The following PLCB4 variants were observed in gnomAD, a reference collection of about 807,000 sequenced individuals.
PLCB4 encodes the protein phospholipase C beta 4.
In PLCB4, 77 loss-of-function variants were observed where a neutral mutation model predicts 178.8. That is an observed-to-expected ratio of 0.43 (90% CI 0.36 to 0.52). The LOEUF (loss-of-function observed/expected upper bound fraction) is 0.52, where lower values mean the gene tolerates loss of function less well. Among genes scored for constraint, PLCB4 ranks in the 20% least tolerant of loss-of-function variants. The pLI is 0.00. For synonymous variants in PLCB4, 496 were observed against 490.8 expected, an observed-to-expected ratio of 1.01 and a Z score of -0.14; for missense variants, 1,024 against 1,453.4, an observed-to-expected ratio of 0.70 and a Z score of 4.80.
intron 2 of PLCB4, among the ~76,000 whole-genome samples, chr20:9,111,607 A>G (rs2091576208): frequency 6.6e-6 from 1 of 152,160 alleles, no homozygotes. Context: ...AATTTTGGAC[A>G]ACTGCTGTTG....
intron 3 of PLCB4, among the ~76,000 whole-genome samples, chr20:9,276,905 C>T (rs950165155): frequency 5.3e-5 from 8 of 151,982 alleles, no homozygotes; most frequent in African/African-American, 1.9e-4. Context: ...ATCCTGCACT[C>T]CAGCCTGGGT....
At chr20:9,398,712 A>G (rs200307927) in intron 19 of PLCB4, among the ~76,000 whole-genome samples, 1 of 141,866 alleles carries the variant, frequency 7.0e-6, no homozygotes, top group African/African-American at 2.7e-5. Flanking sequence ...TATTATTATT[A>G]TTTTTGAGAT....
chr20:9,245,144 A>G lies in PLCB4; in HGVS notation c.-16+27692A>G, dbSNP rs553293155. Among the ~76,000 whole-genome samples, 7 of 152,268 alleles carry G rather than the reference A, an allele frequency of 4.6e-5. No individual in the cohort carries two copies. The East Asian group carries it at 1.2e-3, about 25-fold the overall frequency. ...GGAGGCAGGAGTTCAGGAGTTCAAG[A>G]GAGACAGAGAAAGAGACTGGAAGTA... On this transcript the variant is annotated intron_variant, in intron 3 of 39. Transcript: ENST00000378473.
chr20:9,175,297 A>C (rs895249623), intron 2 of PLCB4, among the ~76,000 whole-genome samples: 1 of 152,024 alleles, frequency 6.6e-6, no homozygotes, highest in African/African-American at 2.4e-5. Context: ...AGAAGGGTGA[A>C]CCCTTCTAGG....
At chr20:9,139,483 G>A (rs531746176) in intron 2 of PLCB4, among the ~76,000 whole-genome samples, 10 of 152,210 alleles carry the variant, frequency 6.6e-5, no homozygotes, top group African/African-American at 1.9e-4. Flanking sequence ...GTTCCATGTA[G>A]TTTCTTTCCA....
At chr20:9,351,588 G>C (rs2034350007) in intron 7 of PLCB4, among the ~76,000 whole-genome samples, 1 of 152,008 alleles carries the variant, frequency 6.6e-6, no homozygotes, top group South Asian at 2.1e-4. Flanking sequence ...GTTTTCTGCT[G>C]TGTGTGGGGA....
chr20:9,473,462 A>T (rs1232636115), intron 38 of PLCB4, 97 bp downstream of exon 38: 2 of 571,590 alleles, frequency 3.5e-6, no homozygotes, highest in Non-Finnish European at 6.2e-6. Flanking sequence ...GCATATTGTA[A>T]TTGAAAGGTA....
chr20:9,112,235 T>C (rs2091604725), intron 2 of PLCB4, among the ~76,000 whole-genome samples: 1 of 151,888 alleles, frequency 6.6e-6, no homozygotes, highest in Admixed American at 6.6e-5. Context: ...TTTGGAGACC[T>C]GTTGAAACAA....
At chr20:9,250,304 T>A (rs2147477765) in intron 3 of PLCB4, among the ~76,000 whole-genome samples, 1 of 152,356 alleles carries the variant, frequency 6.6e-6, no homozygotes, top group African/African-American at 2.4e-5. Context: ...AGCCTGCACC[T>A]GTCAGGTGGT....
chr20:9,460,983 T>C (rs1201018650), intron 35 of PLCB4, among the ~76,000 whole-genome samples: 1 of 152,216 alleles, frequency 6.6e-6, no homozygotes, highest in Admixed American at 6.5e-5. Context: ...TTTTCTTTTT[T>C]CCTTAGAAAT....
At chr20:9,375,407 A>G (rs1295815069) in intron 12 of PLCB4, among the ~76,000 whole-genome samples, 1 of 152,154 alleles carries the variant, frequency 6.6e-6, no homozygotes. Context: ...CCTTAGCCAC[A>G]TAGTCTCAAC....
rs540864497 is a variant in PLCB4 at position 9,080,474 on chromosome 20, A to G, written c.-135+11268A>G. Among the ~76,000 whole-genome samples, 328 of 152,252 alleles carry G rather than the reference A, an allele frequency of 2.2e-3. 1 individual carries two copies. Among genetic ancestry groups the G allele is most frequent in the African/African-American group, 7.7e-3 (318 of 41,546 alleles). ...GGAAAAATCATATCACCTCTCCATC[A>G]TGAAGGAATTGCACTAGATTAATTC... is the stretch of plus-strand genomic sequence containing the variant. On this transcript the variant is annotated intron_variant, in intron 1 of 39. Coordinates refer to ENST00000378473, the MANE Select transcript of PLCB4 (RefSeq NM_001377142.1).
At chr20:9,133,956 C>T (rs897737806) in intron 2 of PLCB4, among the ~76,000 whole-genome samples, 3 of 152,182 alleles carry the variant, frequency 2.0e-5, no homozygotes, top group Non-Finnish European at 4.4e-5. Context: ...GAAGACAAAG[C>T]TTTGTGCCTC....
intron 2 of PLCB4, among the ~76,000 whole-genome samples, chr20:9,151,734 G>A (rs201845752): frequency 6.6e-5 from 10 of 152,192 alleles, no homozygotes; most frequent in South Asian, 4.2e-4. Flanking sequence ...AGAGTGGGGC[G>A]TTGCTGAAAA....
chr20:9,083,571 G>A (rs1241744329), intron 1 of PLCB4, among the ~76,000 whole-genome samples: 1 of 152,142 alleles, frequency 6.6e-6, no homozygotes, highest in Non-Finnish European at 1.5e-5. Context: ...TTGTGCCCTG[G>A]GCCTTCAGAA....
intron 5 of PLCB4, 139 bp downstream of exon 5, chr20:9,337,345 G>C (rs1023558065): frequency 3.1e-6 from 2 of 652,960 alleles, no homozygotes; most frequent in Non-Finnish European, 5.6e-6. Flanking sequence ...GCCTACATGT[G>C]CCAGGCATTG....
intron 2 of PLCB4, among the ~76,000 whole-genome samples, chr20:9,182,755 G>A (rs1395887865): frequency 6.6e-6 from 1 of 152,136 alleles, no homozygotes; most frequent in African/African-American, 2.4e-5. Flanking sequence ...GCCCTCTGCC[G>A]ACAGGCTAAG....
At chr20:9,151,421 G>T (rs2327169) in intron 2 of PLCB4, among the ~76,000 whole-genome samples, 135,149 of 152,124 alleles carry the variant, frequency 0.89, 60,392 homozygotes, top group East Asian at 1. Context: ...TCCCACATGT[G>T]GTGGGAGGGA....
At chr20:9,339,113 A>G (rs2032873405) in intron 7 of PLCB4, 76 bp downstream of exon 7, 14 of 1,050,374 alleles carry the variant, frequency 1.3e-5, no homozygotes, top group Non-Finnish European at 2.0e-5. Flanking sequence ...TGCGTGCTAT[A>G]TTTTTATATA....
Sources: allele counts gnomAD v4.1 joint callset (sites outside exome capture counted in the v4.1 genomes callset), GRCh38; gene constraint gnomAD v4.1.1; transcripts MANE v1.5; gene names NCBI Gene and HGNC (gene_info 2026-07-23, HGNC 2026-07-21).